L3MBTL4: variants seen among roughly 807,000 people sequenced by gnomAD.
L3MBTL4 encodes the protein L3MBTL histone methyl-lysine binding protein 4, also known as lethal(3)malignant brain tumor-like protein 4.
In L3MBTL4, 70 loss-of-function variants were observed where a neutral mutation model predicts 84.5. The ratio of observed to expected loss-of-function variants is 0.83; its 90% CI spans 0.68 to 1.01. The LOEUF is 1.01. Ranked by LOEUF, L3MBTL4 falls within the 50% of genes least tolerant of loss-of-function variation. L3MBTL4 has a pLI of 0.00. For synonymous variants in L3MBTL4, 274 were observed against 259.8 expected (o/e 1.05, Z -0.52); for missense variants, 715 against 754.8 (o/e 0.95, Z 0.62).
chr18:6,344,362 T>C (rs1460666917), intron 1 of L3MBTL4, among the ~76,000 whole-genome samples: 1 of 152,126 alleles, frequency 6.6e-6, no homozygotes, highest in African/African-American at 2.4e-5. Flanking sequence ...ATAGAGAATC[T>C]GAACAAAGAA....
At chr18:5,969,308 A>G in intron 17 of L3MBTL4, 85 bp downstream of exon 17, 1 of 1,473,980 alleles carries the variant, frequency 6.8e-7, no homozygotes. Context: ...TGTCCCAGAC[A>G]TCAAAGAATG....
intron 1 of L3MBTL4, among the ~76,000 whole-genome samples, chr18:6,370,886 A>G (rs1490024623): frequency 6.6e-6 from 1 of 152,210 alleles, no homozygotes; most frequent in African/African-American, 2.4e-5. Context: ...CTTTTCATGC[A>G]CATTTCACCA....
intron 12 of L3MBTL4, among the ~76,000 whole-genome samples, chr18:6,186,365 T>C (rs8093675): frequency 0.034 from 5,093 of 151,308 alleles, 287 homozygotes; most frequent in African/African-American, 0.12. Context: ...TTAATAACTG[T>C]GGTGGCCATG....
At chr18:6,014,351 TCATC>T (rs954226983) in intron 16 of L3MBTL4, among the ~76,000 whole-genome samples, 5 of 152,190 alleles carry the variant, frequency 3.3e-5, no homozygotes, top group African/African-American at 9.7e-5. Flanking sequence ...AGTAAACAGA[TCATC>T]CATCCATCCA....
At chr18:6,396,216 C>T (rs2055262405) in intron 1 of L3MBTL4, 1 of 152,218 alleles carries the variant, frequency 6.6e-6, no homozygotes, top group African/African-American at 2.4e-5. Flanking sequence ...CTTTTAATAT[C>T]ATTCAAACAA....
At chr18:6,335,237 C>T (rs1240546450) in intron 1 of L3MBTL4, among the ~76,000 whole-genome samples, 2 of 152,032 alleles carry the variant, frequency 1.3e-5, no homozygotes, top group East Asian at 3.9e-4. Flanking sequence ...ATTACAGGCA[C>T]TCACCACCAC....
rs185799550 is a variant in L3MBTL4, at chr18:5,998,197, C to G, written c.1445-28635G>C. 5.9e-5 allele frequency among the ~76,000 whole-genome samples: 9 copies of G among 152,294 alleles called. No homozygotes were observed. The South Asian group carries it at 1.9e-3, about 32-fold the overall frequency. Reference sequence around the variant, plus strand: ...GGCCAGGTATGGCCGATGCTGCATCCTAAATACTTGCTACTGTCAAATGAA... The same window carrying G: ...GGCCAGGTATGGCCGATGCTGCATCGTAAATACTTGCTACTGTCAAATGAA... On this transcript the variant is annotated intron_variant, in intron 16 of 18. Transcript: ENST00000317931.
In L3MBTL4 at chr18:6,077,632, T is replaced by C. The variant is rs111241383; in HGVS notation, c.1444+3249A>G. Among the ~76,000 whole-genome samples, 496 of 152,010 alleles carry C rather than the reference T, an allele frequency of 3.3e-3. 2 individuals are homozygous for C. Among genetic ancestry groups the C allele is most frequent in the South Asian group, 6.4e-3 (31 of 4,822 alleles). ...AAAACAGAATCTGCGTGTGCATCTA[T>C]ACATGTGTGTATACAATTTCCAAAA... On this transcript the variant is annotated intron_variant, in intron 16 of 18. Coordinates refer to ENST00000317931, the MANE Select transcript of L3MBTL4 (RefSeq NM_001330559.2).
chr18:6,067,124 C>T (rs2057428013), intron 16 of L3MBTL4, among the ~76,000 whole-genome samples: 1 of 152,140 alleles, frequency 6.6e-6, no homozygotes, highest in Non-Finnish European at 1.5e-5. Flanking sequence ...AAAGATAGGA[C>T]CCCAGTCCCT....
chr18:6,371,039 C>T (rs189916465), intron 1 of L3MBTL4, among the ~76,000 whole-genome samples: 2 of 152,170 alleles, frequency 1.3e-5, no homozygotes, highest in Admixed American at 1.3e-4. Context: ...GACCCAGGGT[C>T]AGCACAGTTT....
At chr18:6,178,364 T>C (rs1442327665) in intron 12 of L3MBTL4, among the ~76,000 whole-genome samples, 1 of 152,158 alleles carries the variant, frequency 6.6e-6, no homozygotes, top group East Asian at 1.9e-4. Context: ...TGAAAGATAT[T>C]TTCATATCTT....
At chr18:6,157,612 T>C (rs1665911316) in intron 13 of L3MBTL4, among the ~76,000 whole-genome samples, 1 of 152,192 alleles carries the variant, frequency 6.6e-6, no homozygotes, top group Admixed American at 6.5e-5. Flanking sequence ...TAAATGAAAT[T>C]GGATAAAAAT....
chr18:6,393,102 G>T (rs2055126545), intron 1 of L3MBTL4, among the ~76,000 whole-genome samples: 2 of 151,972 alleles, frequency 1.3e-5, no homozygotes, highest in African/African-American at 4.8e-5. Context: ...TAACTATAAA[G>T]ATAATAAACC....
chr18:6,021,587 C>T (rs2055264434), intron 16 of L3MBTL4, among the ~76,000 whole-genome samples: 1 of 152,170 alleles, frequency 6.6e-6, no homozygotes, highest in African/African-American at 2.4e-5. Flanking sequence ...TTGCGGCCCT[C>T]CCTGCATGGA....
At chr18:6,370,361 C>A (rs1022072660) in intron 1 of L3MBTL4, among the ~76,000 whole-genome samples, 2 of 152,218 alleles carry the variant, frequency 1.3e-5, no homozygotes, top group African/African-American at 4.8e-5. Flanking sequence ...ACAATCAAAT[C>A]AGACTTGGAA....
At chr18:6,211,752 G>A (rs928024979) in intron 12 of L3MBTL4, among the ~76,000 whole-genome samples, 2 of 151,664 alleles carry the variant, frequency 1.3e-5, no homozygotes, top group South Asian at 2.1e-4. Flanking sequence ...AGGCTCAAGC[G>A]ATTCTTCTGC....
chr18:6,050,699 T>C (rs1205778548), intron 16 of L3MBTL4, among the ~76,000 whole-genome samples: 1 of 152,182 alleles, frequency 6.6e-6, no homozygotes, highest in Non-Finnish European at 1.5e-5. Flanking sequence ...CTTCCGTTTT[T>C]TAATGAAATT....
At chr18:5,991,695 T>C (rs1012313104) in intron 16 of L3MBTL4, among the ~76,000 whole-genome samples, 1 of 152,172 alleles carries the variant, frequency 6.6e-6, no homozygotes, top group Non-Finnish European at 1.5e-5. Context: ...CAGCCCCACC[T>C]TTAAAATTTC....
chr18:6,055,517 T>C (rs961823263), intron 16 of L3MBTL4, among the ~76,000 whole-genome samples: 2 of 152,216 alleles, frequency 1.3e-5, no homozygotes, highest in African/African-American at 4.8e-5. Flanking sequence ...CTGATTGATT[T>C]TTTTGCTGGG....
Sources: gnomAD v4.1 joint callset for allele counts (sites outside exome capture counted in the v4.1 genomes callset) on GRCh38, gnomAD v4.1.1 for gene constraint, MANE v1.5 for transcripts, NCBI Gene and HGNC (gene_info 2026-07-23, HGNC 2026-07-21) for gene names.